Variants in GRAMD2B observed in about 807,000 individuals in gnomAD.
GRAMD2B encodes the protein GRAM domain containing 2B.
In GRAMD2B, 41 loss-of-function variants were observed where a neutral mutation model predicts 59.2. The ratio of observed to expected loss-of-function variants is 0.69; its 90% confidence interval spans 0.54 to 0.90. GRAMD2B has a LOEUF of 0.90. GRAMD2B is among the 40% of genes least tolerant of loss of function. The pLI, the probability that GRAMD2B is intolerant of heterozygous loss-of-function variation, is 0.00. For synonymous variants in GRAMD2B, 161 were observed against 182.7 expected, an observed-to-expected ratio of 0.88 and a Z score of 0.96; for missense variants, 424 against 500.5, an observed-to-expected ratio of 0.85 and a Z score of 1.46.
Position 126,483,557 on chromosome 5 carries a change from A to G in GRAMD2B, c.830A>G (p.Glu277Gly), listed in dbSNP as rs1356937082. 6.2e-7 allele frequency: 1 copy of G among 1,606,042 alleles called. No homozygotes were observed. Among genetic ancestry groups the G allele is most frequent in the Non-Finnish European group, 8.5e-7 (1 of 1,173,422 alleles). The change falls in exon 9 of 14, where the codon GAA becomes GGA. Residue 277 changes from glutamate to glycine, a missense_variant. Transcript: ENST00000285689. ...AGCAGTTCTGGTTCTCAAACTCCTG[A>G]ATCTGAGAACTCTCGAGGTTTGGGA... ...GYSSSGSQTP[E>G]SENSRDFHAT... is the part of the protein sequence containing the mutation.
intron 13 of GRAMD2B, 29 bp downstream of exon 13, chr5:126,488,921 G>A (rs1163074193): frequency 1.3e-6 from 2 of 1,532,424 alleles, no homozygotes; most frequent in Admixed American, 3.3e-5. Context: ...GTGTATGGGG[G>A]CAGTCACAGT....
At position 126,477,776 on chromosome 5, in the gene GRAMD2B, GT is replaced by G; in HGVS notation, c.572del (p.Val191AlafsTer20). 1.2e-6 allele frequency: 2 copies of G among 1,605,130 alleles called. No homozygotes were observed. Among genetic ancestry groups the G allele is most frequent in the Non-Finnish European group, 1.7e-6 (2 of 1,171,892 alleles). ...GCCAAACGCCCTGATCATAGCAACA[GT>G]CACAGACAGGGTGAGTATGCAGCCG... ...LVPNALIIAT[V>X]TDRYIFVSLL... On this transcript the variant is annotated frameshift_variant, in exon 6 of 14. Transcript: ENST00000285689. LOFTEE classifies it high-confidence loss of function.
At chr5:126,438,223 AT>A in intron 1 of GRAMD2B, among the ~76,000 whole-genome samples, 1 of 152,278 alleles carries the variant, frequency 6.6e-6, no homozygotes, top group East Asian at 1.9e-4. Context: ...AGAAAGGTAA[AT>A]GGAGGAGCGA....
intron 1 of GRAMD2B, among the ~76,000 whole-genome samples, chr5:126,380,847 C>G (rs1041097977): frequency 1.3e-5 from 2 of 152,120 alleles, no homozygotes; most frequent in Non-Finnish European, 2.9e-5. Context: ...CACGGGCAAA[C>G]AGTGACAGTT....
At chr5:126,391,747 G>A (rs1193110134) in intron 1 of GRAMD2B, among the ~76,000 whole-genome samples, 1 of 152,206 alleles carries the variant, frequency 6.6e-6, no homozygotes, top group Non-Finnish European at 1.5e-5. Flanking sequence ...GGGACTGCAG[G>A]GAAGGAATGA....
At chr5:126,416,246 G>A (rs1418962826) in intron 1 of GRAMD2B, among the ~76,000 whole-genome samples, 1 of 152,136 alleles carries the variant, frequency 6.6e-6, no homozygotes, top group African/African-American at 2.4e-5. Context: ...CACTCCACTA[G>A]GAGTCATTTG....
At chr5:126,468,829 C>T (rs1441731090) in intron 2 of GRAMD2B, among the ~76,000 whole-genome samples, 2 of 152,108 alleles carry the variant, frequency 1.3e-5, no homozygotes, top group African/African-American at 2.4e-5. Context: ...TTATTGGCTC[C>T]ATACCTTCTC....
chr5:126,467,320 A>C (rs1768638731), intron 2 of GRAMD2B: 1 of 152,012 alleles, frequency 6.6e-6, no homozygotes, highest in South Asian at 2.1e-4. Context: ...TTAATTAATT[A>C]ATAATTTTTA....
chr5:126,492,643 C>T (rs1343453747), intron 13 of GRAMD2B, among the ~76,000 whole-genome samples: 2 of 152,212 alleles, frequency 1.3e-5, no homozygotes, highest in Admixed American at 6.5e-5. Context: ...ATCACTTGAG[C>T]CCAGGAAGTC....
At chr5:126,466,143 G>T in intron 2 of GRAMD2B, 2 of 1,254,782 alleles carry the variant, frequency 1.6e-6, no homozygotes. Context: ...AACAGTGTGT[G>T]ATGGGTGAGT....
rs748203909 is a variant in GRAMD2B at position 126,492,999 on chromosome 5, T to C, written c.*43T>C. ...GCCATCGGAATACCTCATGTTTCCCTTTGAAGAAGGTGCTTCCTGAGGCGT... is the reference window on the plus strand; with the variant it reads ...GCCATCGGAATACCTCATGTTTCCCCTTGAAGAAGGTGCTTCCTGAGGCGT... On this transcript the variant is annotated 3_prime_UTR_variant, in exon 14 of 14. Transcript: ENST00000285689. 1 of 1,562,490 alleles carries C rather than the reference T, an allele frequency of 6.4e-7. No homozygotes were observed. Among genetic ancestry groups the C allele is most frequent in the Non-Finnish European group, 8.8e-7 (1 of 1,134,064 alleles).
At chr5:126,465,080 C>T in intron 1 of GRAMD2B, 3 of 1,121,054 alleles carry the variant, frequency 2.7e-6, no homozygotes, top group Non-Finnish European at 2.2e-6. Context: ...AGCGTGTGTA[C>T]ATGTGCGTGT....
intron 1 of GRAMD2B, among the ~76,000 whole-genome samples, chr5:126,390,132 C>T (rs538756047): frequency 6.6e-6 from 1 of 152,232 alleles, no homozygotes; most frequent in East Asian, 1.9e-4. Flanking sequence ...AAGGTGCCTC[C>T]TCATTTATTA....
upstream of GRAMD2B, among the ~76,000 whole-genome samples, chr5:126,367,791 G>C (rs774956612): frequency 6.6e-6 from 1 of 151,970 alleles, no homozygotes; most frequent in East Asian, 1.9e-4. Flanking sequence ...TCACTCTGTC[G>C]CCCAGGCTGG....
At chr5:126,409,516 C>T (rs1213626965) in intron 1 of GRAMD2B, among the ~76,000 whole-genome samples, 2 of 152,170 alleles carry the variant, frequency 1.3e-5, no homozygotes, top group African/African-American at 4.8e-5. Flanking sequence ...ATGTCCTTCG[C>T]CAACTTTTTG....
intron 1 of GRAMD2B, among the ~76,000 whole-genome samples, chr5:126,430,721 T>G (rs1034734351): frequency 1.3e-5 from 2 of 152,218 alleles, no homozygotes; most frequent in South Asian, 2.1e-4. Context: ...AGGGCTTTCA[T>G]GTAGCAAAAG....
intron 2 of GRAMD2B, among the ~76,000 whole-genome samples, chr5:126,468,591 G>A (rs1290191588): frequency 7.9e-5 from 12 of 151,988 alleles, no homozygotes; most frequent in Admixed American, 7.2e-4. Flanking sequence ...GGGTTCAAGC[G>A]ATTCTTCTGC....
At chr5:126,475,586 C>T (rs1176048548) in intron 5 of GRAMD2B, among the ~76,000 whole-genome samples, 1 of 152,202 alleles carries the variant, frequency 6.6e-6, no homozygotes, top group Non-Finnish European at 1.5e-5. Context: ...CCTTGTTCTT[C>T]CATAGTCTTC....
At chr5:126,410,084 T>C (rs1432401042) in intron 1 of GRAMD2B, among the ~76,000 whole-genome samples, 1 of 151,992 alleles carries the variant, frequency 6.6e-6, no homozygotes, top group South Asian at 2.1e-4. Flanking sequence ...CTGTTTTGGT[T>C]ACTGTAGCCT....
Sources: allele counts gnomAD v4.1 joint callset (sites outside exome capture counted in the v4.1 genomes callset), GRCh38; gene constraint gnomAD v4.1.1; transcripts MANE v1.5; gene names NCBI Gene and HGNC (gene_info 2026-07-23, HGNC 2026-07-21).